ADAMTS14: variants seen among roughly 807,000 people sequenced by gnomAD.
ADAMTS14 encodes ADAM metallopeptidase with thrombospondin type 1 motif 14.
Under a neutral mutation model 128.6 loss-of-function variants are expected in ADAMTS14, and 100 were observed. That is an observed-to-expected ratio of 0.78 (90% confidence interval 0.66 to 0.92). The LOEUF is 0.92. ADAMTS14 is among the 40% of genes least tolerant of loss of function. The pLI is 0.00. For synonymous variants in ADAMTS14, 665 were observed against 653.8 expected (o/e 1.02, Z -0.26); for missense variants, 1,562 against 1,658.6 (o/e 0.94, Z 1.01).
chr10:70,713,291 G>T (rs938595345), intron 4 of ADAMTS14, among the ~76,000 whole-genome samples: 3 of 150,866 alleles, frequency 2.0e-5, no homozygotes, highest in Non-Finnish European at 4.4e-5. Context: ...TCAGAGCTGG[G>T]TGCTGTGCTA....
chr10:70,744,255 C>T (rs1842104981), intron 14 of ADAMTS14, 66 bp downstream of exon 14: 13 of 1,457,712 alleles, frequency 8.9e-6, no homozygotes, highest in Non-Finnish European at 1.2e-5. Flanking sequence ...CCTCAGGGGG[C>T]CCTCCCTCCT....
At chr10:70,726,262 C>G (rs150465231) in intron 4 of ADAMTS14, among the ~76,000 whole-genome samples, 1 of 152,248 alleles carries the variant, frequency 6.6e-6, no homozygotes, top group African/African-American at 2.4e-5. Context: ...GAGATGGCAG[C>G]TGTTGGAGCA....
In ADAMTS14 at chr10:70,741,181, CCT is replaced by C. The variant is rs762627127; in HGVS notation, c.1924+21_1924+22del. Reference sequence around the variant, plus strand: ...GACGATGGTGAGTGGGCCCCACCCCCCTCCCACTCCATGTCCTTAGGCATCTG... The same window carrying C: ...GACGATGGTGAGTGGGCCCCACCCCCCCCACTCCATGTCCTTAGGCATCTG... On this transcript the variant is annotated intron_variant, in intron 12 of 21. Coordinates refer to ENST00000373207, the MANE Select transcript of ADAMTS14 (RefSeq NM_080722.4). The C allele has an allele frequency of 2.5e-6, 4 of 1,609,664 alleles. No individual in the cohort carries two copies. The African/African-American group carries it at 5.3e-5, about 21-fold the overall frequency.
intron 18 of ADAMTS14, among the ~76,000 whole-genome samples, chr10:70,752,611 G>GT (rs1210453219): frequency 6.6e-6 from 1 of 152,138 alleles, no homozygotes; most frequent in Non-Finnish European, 1.5e-5. Flanking sequence ...CTCTGAACCT[G>GT]TTGCAGAGCC....
chr10:70,710,991 C>G (rs145704184), intron 4 of ADAMTS14, among the ~76,000 whole-genome samples: 5 of 152,308 alleles, frequency 3.3e-5, no homozygotes, highest in African/African-American at 1.2e-4. Context: ...GGGACAGCCC[C>G]TTAATGTCTC....
intron 2 of ADAMTS14, among the ~76,000 whole-genome samples, chr10:70,677,339 T>C (rs564570207): frequency 8.5e-5 from 13 of 152,276 alleles, no homozygotes; most frequent in African/African-American, 3.1e-4. Context: ...GAGTAAATGT[T>C]CTCATTAGCT....
chr10:70,758,241 T>TGCC lies in ADAMTS14; in HGVS notation c.3135_3137dup (p.Pro1046dup), dbSNP rs1564563395. The stretch of plus-strand genomic sequence containing the variant: ...CTTGGGACGCCAGAGGGGCAGTGGG[T>TGCC]GCCACAATCTGAACCCCTACATCCC... On this transcript the variant is annotated inframe_insertion, in exon 21 of 22. Transcript: ENST00000373207. 2 of 1,614,190 alleles carry TGCC rather than the reference T, an allele frequency of 1.2e-6. No homozygotes were observed. Among genetic ancestry groups the TGCC allele is most frequent in the Admixed American group, 3.3e-5 (2 of 60,022 alleles).
chr10:70,703,747 A>G (rs1240635020), intron 3 of ADAMTS14, among the ~76,000 whole-genome samples: 1 of 152,206 alleles, frequency 6.6e-6, no homozygotes, highest in Non-Finnish European at 1.5e-5. Context: ...ACCAGCCACC[A>G]TGGTGGGCAG....
At position 70,672,689 on chromosome 10, in the gene ADAMTS14, A is replaced by T. The variant is rs965919173; in HGVS notation, c.-114A>T. The T allele has an allele frequency of 5.6e-6, 4 of 709,430 alleles. No homozygotes were observed. Among genetic ancestry groups the T allele is most frequent in the Non-Finnish European group, 7.4e-6 (4 of 537,932 alleles). The allele number at this position is 709,430 out of a possible 1,614,324, so 43.9% of individuals were successfully genotyped here. ...TAGGCGGGGAGGCGGCTGAGGCGGC[A>T]GCGGCGGCAGCCAGCCGGTGCTCCG... is the stretch of plus-strand genomic sequence containing the variant. On this transcript the variant is annotated 5_prime_UTR_variant, in exon 1 of 22. Transcript: ENST00000373207.
chr10:70,760,379 C>A lies in ADAMTS14; in HGVS notation c.3198C>A (p.Asp1066Glu), dbSNP rs1368550230. 4.4e-6 allele frequency: 7 copies of A among 1,584,600 alleles called. No individual in the cohort carries two copies. Among genetic ancestry groups the A allele is most frequent in the Non-Finnish European group, 5.2e-6 (6 of 1,164,488 alleles). ...KISSTEPCTGDRSVFCQMEVL... is the reference protein window; with the variant it reads ...KISSTEPCTGERSVFCQMEVL... ...GTGCAGCGGAGCCCTGCACGGGAGACAGGTCTGTCTTCTGCCAGATGGAAG... is the reference window on the plus strand; with the variant it reads ...GTGCAGCGGAGCCCTGCACGGGAGAAAGGTCTGTCTTCTGCCAGATGGAAG... Residue 1066 changes from aspartate to glutamate, a missense_variant, in exon 22 of 22, where the codon GAC (aspartate) becomes GAA (glutamate). Physicochemically the swap from Asp to Glu is conservative, Grantham distance 45. Transcript: ENST00000373207.
At chr10:70,743,760 G>A in intron 13 of ADAMTS14, 79 bp downstream of exon 13, 2 of 1,459,324 alleles carry the variant, frequency 1.4e-6, no homozygotes, top group East Asian at 2.5e-5. Context: ...TGCCTGGGAA[G>A]ATGAGCATTG....
intron 2 of ADAMTS14, among the ~76,000 whole-genome samples, chr10:70,695,485 G>A (rs1040564268): frequency 6.6e-6 from 1 of 152,168 alleles, no homozygotes; most frequent in Admixed American, 6.5e-5. Flanking sequence ...CAACAGCCCC[G>A]GATGGCCCAT....
chr10:70,753,683 T>G, intron 18 of ADAMTS14, 117 bp from the exon 19 acceptor site: 1 of 1,146,140 alleles, frequency 8.7e-7, no homozygotes, highest in Non-Finnish European at 1.2e-6. Context: ...GCCTCAAACA[T>G]TCTGAAACCC....
intron 2 of ADAMTS14, 24 bp from the exon 3 acceptor site, chr10:70,702,288 C>T (rs549993695): frequency 1.5e-5 from 25 of 1,613,916 alleles, no homozygotes; most frequent in South Asian, 5.5e-5. Flanking sequence ...CTCTCTTTCC[C>T]GCTGCTTGCC....
At chr10:70,679,513 G>A (rs941448139) in intron 2 of ADAMTS14, among the ~76,000 whole-genome samples, 3 of 152,116 alleles carry the variant, frequency 2.0e-5, no homozygotes, top group Admixed American at 6.5e-5. Context: ...GGTTGGGGTC[G>A]GCAGAGTGGG....
At position 70,744,116 on chromosome 10, in the gene ADAMTS14, T is replaced by C. The variant is rs760978887; in HGVS notation, c.2109T>C (p.Cys703=). ...GGTCCATGAAGGCGGATGACAAGTG[T>C]GGAGTCTGCGGGGGTGACAACTCCC... ...EVGSMKADDK[C]GVCGGDNSHC... is the part of the protein sequence containing the mutation. Residue 703 remains cysteine, a synonymous_variant, in exon 14 of 22, where the codon TGT becomes TGC. Coordinates refer to ENST00000373207, the MANE Select transcript of ADAMTS14 (RefSeq NM_080722.4). 6.4e-7 allele frequency: 1 copy of C among 1,564,414 alleles called. No homozygotes were observed. Among genetic ancestry groups the C allele is most frequent in the Admixed American group, 1.9e-5 (1 of 52,726 alleles).
intron 15 of ADAMTS14, 178 bp downstream of exon 15, chr10:70,745,484 C>G: frequency 2.8e-6 from 2 of 715,820 alleles, no homozygotes; most frequent in Non-Finnish European, 4.9e-6. Flanking sequence ...GTAACCCATT[C>G]CATGGTTTAC....
intron 19 of ADAMTS14, among the ~76,000 whole-genome samples, chr10:70,755,578 C>T (rs1842461401): frequency 6.6e-6 from 1 of 152,210 alleles, no homozygotes; most frequent in Non-Finnish European, 1.5e-5. Flanking sequence ...GGCGCGGTGG[C>T]TCACGCCTGT....
In ADAMTS14 at chr10:70,758,039, C is replaced by T. The variant is rs750110829; in HGVS notation, c.3015C>T (p.Cys1005=). The part of the protein sequence containing the change: ...CRTNANSLGH[C]EGDRPDTVQV... ...CCAACGCCAACAGCCTCGGGCATTG[C>T]GAGGGGGATAGGCCAGACACTGTCC... Residue 1005 remains cysteine (C), a synonymous_variant, in exon 20 of 22, where the codon TGC becomes TGT. Transcript: ENST00000373207. 12 of 1,613,422 alleles carry T rather than the reference C, an allele frequency of 7.4e-6. No homozygotes were observed. The highest frequency in any genetic ancestry group is 2.7e-5 in the African/African-American group (2 of 74,932).
Sources: allele counts gnomAD v4.1 joint callset (sites outside exome capture counted in the v4.1 genomes callset), GRCh38; gene constraint gnomAD v4.1.1; transcripts MANE v1.5; gene names NCBI Gene and HGNC (gene_info 2026-07-23, HGNC 2026-07-21).